PFKFB3: variants seen among roughly 807,000 people sequenced by gnomAD.
PFKFB3 encodes 6-phosphofructo-2-kinase/fructose-2,6-biphosphatase 3.
PFKFB3 carries 33 observed loss-of-function variants against 68.0 expected under a neutral mutation model. The ratio of observed to expected loss-of-function variants is 0.49; its 90% CI spans 0.37 to 0.65. PFKFB3 has a LOEUF of 0.65. PFKFB3 is among the 30% of genes least tolerant of loss of function. The pLI, the probability that PFKFB3 is intolerant of heterozygous loss-of-function variation, is 0.00. For missense variants in PFKFB3, 586 were observed against 712.2 expected, an observed-to-expected ratio of 0.82 and a Z score of 2.02; for synonymous variants, 315 against 288.2, an observed-to-expected ratio of 1.09 and a Z score of -0.94.
chr10:6,163,471 C>T (rs1842022501), intron 1 of PFKFB3, among the ~76,000 whole-genome samples: 1 of 152,146 alleles, frequency 6.6e-6, no homozygotes, highest in African/African-American at 2.4e-5. Flanking sequence ...GAGGCAGGTC[C>T]CTGTGCTGAG....
the PFKFB3 span, among the ~76,000 whole-genome samples, chr10:6,301,200 A>G: frequency 2.6e-5 from 4 of 152,298 alleles, no homozygotes; most frequent in Non-Finnish European, 4.4e-5. Context: ...CATTATCTCA[A>G]TGGAATGGTG....
downstream of PFKFB3, among the ~76,000 whole-genome samples, chr10:6,236,231 C>T (rs1183262084): frequency 6.6e-6 from 1 of 152,178 alleles, no homozygotes; most frequent in Non-Finnish European, 1.5e-5. Context: ...GAATAAAACT[C>T]AAGCTTCTGT....
chr10:6,174,405 C>A (rs533027947), intron 1 of PFKFB3, among the ~76,000 whole-genome samples: 1 of 152,344 alleles, frequency 6.6e-6, no homozygotes, highest in African/African-American at 2.4e-5. Context: ...TCGCGGTGCC[C>A]CCACACCTGC....
chr10:6,261,561 A>G, the PFKFB3 span, among the ~76,000 whole-genome samples: 1 of 152,204 alleles, frequency 6.6e-6, no homozygotes. Context: ...AAAGGAGCAG[A>G]AAGATAACTA....
chr10:6,179,077 G>A (rs539271129), intron 1 of PFKFB3, among the ~76,000 whole-genome samples: 7 of 152,362 alleles, frequency 4.6e-5, no homozygotes, highest in East Asian at 3.9e-4. Context: ...CGTGCCTGCC[G>A]TATTCAATAA....
In PFKFB3 at chr10:6,233,116, C is replaced by T. The variant is rs1845847223; in HGVS notation, c.*174C>T. The T allele has an allele frequency of 1.7e-6, 1 of 600,952 alleles. No homozygotes were observed. Among genetic ancestry groups the T allele is most frequent in the Non-Finnish European group, 3.0e-6 (1 of 337,214 alleles). 37.2% of individuals were successfully genotyped at this position (600,952 alleles called of 1,614,324 possible). A position where few individuals can be genotyped will look rare whatever the true frequency, so the allele number is the denominator to read the frequency against. On this transcript the variant is annotated 3_prime_UTR_variant, in exon 15 of 15. Coordinates refer to ENST00000379775, the MANE Select transcript of PFKFB3 (RefSeq NM_004566.4). The stretch of plus-strand genomic sequence containing the variant: ...GGCACCGTCTGTGTCCCCTCGGCCG[C>T]TGGACACCAGAAAGCCACGTGGGTC...
rs143044080 is a variant in PFKFB3 at position 6,223,993 on chromosome 10, G to A, written c.1249G>A (p.Val417Ile). Reference sequence around the variant, plus strand: ...CTACCTGAAATGCCCTCTTCACACCGTCCTGAAACTGACGCCTGTCGCTTA... The same window carrying A: ...CTACCTGAAATGCCCTCTTCACACCATCCTGAAACTGACGCCTGTCGCTTA... ...MPYLKCPLHT[V>I]LKLTPVAYGC... Residue 417 changes from valine to isoleucine, a missense_variant, in exon 12 of 15, where the codon GTC becomes ATC. Transcript: ENST00000379775. 1.3e-3 allele frequency: 2,149 copies of A among 1,614,048 alleles called. 3 individuals carry two copies. The highest frequency in any genetic ancestry group is 1.7e-3 in the Non-Finnish European group (1,985 of 1,180,026).
chr10:6,303,493 A>C, the PFKFB3 span, among the ~76,000 whole-genome samples: 6 of 152,182 alleles, frequency 3.9e-5, no homozygotes, highest in Non-Finnish European at 5.9e-5. Context: ...TCAATGCTGA[A>C]ATAGCCTTTA....
At chr10:6,279,894 G>C in the PFKFB3 span, among the ~76,000 whole-genome samples, 1 of 152,168 alleles carries the variant, frequency 6.6e-6, no homozygotes, top group African/African-American at 2.4e-5. Context: ...GCCTGACCCT[G>C]GCTGCATGCT....
chr10:6,270,859 T>G, the PFKFB3 span, among the ~76,000 whole-genome samples: 8 of 152,198 alleles, frequency 5.3e-5, no homozygotes, highest in African/African-American at 1.9e-4. Context: ...CTGGGCCAGT[T>G]TTGACTCAGC....
chr10:6,185,977 A>G (rs183139511), intron 1 of PFKFB3, among the ~76,000 whole-genome samples: 59 of 152,032 alleles, frequency 3.9e-4, no homozygotes, highest in Middle Eastern at 3.4e-3. Flanking sequence ...CCCCTCTCCC[A>G]GTGGTATAAA....
the PFKFB3 span, among the ~76,000 whole-genome samples, chr10:6,309,622 C>T: frequency 3.3e-3 from 503 of 151,750 alleles, 3 homozygotes; most frequent in African/African-American, 0.012. Flanking sequence ...ACTCCATCCC[C>T]GCCCCTCACC....
At chr10:6,164,968 A>G (rs951460124) in intron 1 of PFKFB3, among the ~76,000 whole-genome samples, 1 of 151,496 alleles carries the variant, frequency 6.6e-6, no homozygotes, top group African/African-American at 2.4e-5. Flanking sequence ...TGAGCAGGAG[A>G]CAGAAGGCTT....
the PFKFB3 span, among the ~76,000 whole-genome samples, chr10:6,319,540 A>T: frequency 3.3e-5 from 5 of 152,316 alleles, no homozygotes; most frequent in Admixed American, 2.0e-4. Context: ...GAAATTATCT[A>T]TTGGGTGCAA....
intron 1 of PFKFB3, among the ~76,000 whole-genome samples, chr10:6,205,409 T>TTA (rs1843618588): frequency 7.4e-6 from 1 of 134,594 alleles, no homozygotes; most frequent in African/African-American, 2.7e-5. Context: ...TTTTTTTTTT[T>TTA]TGACATGGCG....
At chr10:6,213,408 T>C (rs1347472279) in intron 1 of PFKFB3, among the ~76,000 whole-genome samples, 1 of 152,128 alleles carries the variant, frequency 6.6e-6, no homozygotes, top group Non-Finnish European at 1.5e-5. Context: ...TAGTCCCAGC[T>C]ATTGGGGAGG....
At chr10:6,262,516 C>A in the PFKFB3 span, among the ~76,000 whole-genome samples, 1 of 144,130 alleles carries the variant, frequency 6.9e-6, no homozygotes, top group African/African-American at 2.5e-5. Context: ...TCTAACTTAT[C>A]AACTATTCCC....
intron 1 of PFKFB3, among the ~76,000 whole-genome samples, chr10:6,162,153 C>T (rs530466937): frequency 3.3e-4 from 50 of 152,296 alleles, no homozygotes; most frequent in African/African-American, 1.2e-3. Flanking sequence ...TCTGTTTGTG[C>T]CTGGCCTATT....
At chr10:6,202,147 A>G (rs941617507), upstream of PFKFB3, among the ~76,000 whole-genome samples, 3 of 152,232 alleles carry the variant, frequency 2.0e-5, no homozygotes, top group African/African-American at 7.2e-5. Context: ...GGTGAGTGTG[A>G]AAACCAGATG....
Sources: allele counts gnomAD v4.1 joint callset (sites outside exome capture counted in the v4.1 genomes callset), GRCh38; gene constraint gnomAD v4.1.1; transcripts MANE v1.5; gene names NCBI Gene and HGNC (gene_info 2026-07-23, HGNC 2026-07-21).